The following GABRB2 variants were observed in gnomAD, a reference collection of about 807,000 sequenced individuals.
GABRB2 encodes the protein gamma-aminobutyric acid receptor subunit beta-2.
In GABRB2, 16 loss-of-function variants were observed where a neutral mutation model predicts 54.7. The observed-to-expected ratio is 0.29, with a 90% CI of 0.20 to 0.44. The LOEUF is 0.44. Ranked by LOEUF, GABRB2 falls within the 20% of genes least tolerant of loss-of-function variation. The pLI, the probability that GABRB2 is intolerant of heterozygous loss-of-function variation, is 1.00. For synonymous variants in GABRB2, 244 were observed against 233.8 expected (o/e 1.04, Z -0.40); for missense variants, 355 against 644.0 (o/e 0.55, Z 4.86).
intron 5 of GABRB2, among the ~76,000 whole-genome samples, chr5:161,372,208 T>C (rs971740070): frequency 6.6e-6 from 1 of 152,148 alleles, no homozygotes; most frequent in African/African-American, 2.4e-5. Context: ...AGGTCCTCAT[T>C]TTATATAATT....
Position 161,383,777 on chromosome 5 carries a change from T to C in GABRB2, c.541+27198A>G, listed in dbSNP as rs139922220. Among the ~76,000 whole-genome samples, 45 of 152,382 alleles carry C rather than the reference T, an allele frequency of 3.0e-4. No individual in the cohort carries two copies. In the East Asian group the frequency reaches 5.2e-3, roughly 18 times the overall value. On this transcript the variant is annotated intron_variant, in intron 5 of 9. Coordinates refer to ENST00000393959, the MANE Select transcript of GABRB2 (RefSeq NM_001371727.1). ...AAATCCCAGGCAATATCATGTCATC[T>C]AAACTTAACACTAAGAAATTAGCAA...
At chr5:161,546,770 C>T, upstream of GABRB2, 1 of 1,449,690 alleles carries the variant, frequency 6.9e-7, no homozygotes, top group Non-Finnish European at 9.1e-7. Context: ...GGGGAAGCGG[C>T]GGCTGCCGGG....
chr5:161,302,343 C>A (rs1757563999), intron 9 of GABRB2, among the ~76,000 whole-genome samples: 1 of 152,136 alleles, frequency 6.6e-6, no homozygotes, highest in Admixed American at 6.5e-5. Flanking sequence ...GAAGAGGGGA[C>A]CTTATTTTTA....
At position 161,544,025 on chromosome 5, in the gene GABRB2, C is replaced by G. The variant is rs191246778; in HGVS notation, c.237+1202G>C. On this transcript the variant is annotated intron_variant, in intron 3 of 9. Coordinates refer to ENST00000393959, the MANE Select transcript of GABRB2 (RefSeq NM_001371727.1). ...CATTTGCTTCAGAATCTTATGAAAT[C>G]TCGGGATTATCTCTTATCTTTAGAC... Among the ~76,000 whole-genome samples, 262 of 152,234 alleles carry G rather than the reference C, an allele frequency of 1.7e-3. 1 individual carries two copies. Among genetic ancestry groups the G allele is most frequent in the African/African-American group, 6.0e-3 (250 of 41,536 alleles).
At chr5:161,521,717 C>T (rs1417458224) in intron 3 of GABRB2, among the ~76,000 whole-genome samples, 2 of 151,820 alleles carry the variant, frequency 1.3e-5, no homozygotes, top group Non-Finnish European at 2.9e-5. Flanking sequence ...ACTGGTAAAA[C>T]AGAGTAAAGT....
intron 9 of GABRB2, among the ~76,000 whole-genome samples, chr5:161,302,023 G>A (rs1292107533): frequency 6.6e-6 from 1 of 152,216 alleles, no homozygotes; most frequent in African/African-American, 2.4e-5. Flanking sequence ...GAAATTTTAA[G>A]ATGGACTGAT....
At chr5:161,531,955 C>T (rs551273990) in intron 3 of GABRB2, among the ~76,000 whole-genome samples, 197 of 152,214 alleles carry the variant, frequency 1.3e-3, no homozygotes, top group African/African-American at 3.8e-3. Flanking sequence ...AAACTTTAGT[C>T]TGCTCATCTT....
At chr5:161,341,515 TCA>T (rs1424382906) in intron 5 of GABRB2, among the ~76,000 whole-genome samples, 2 of 151,700 alleles carry the variant, frequency 1.3e-5, no homozygotes, top group Non-Finnish European at 2.9e-5. Context: ...TCACTGGCAT[TCA>T]CCTGAAGAAA....
intron 5 of GABRB2, among the ~76,000 whole-genome samples, chr5:161,402,530 A>C (rs1756228772): frequency 6.6e-6 from 1 of 152,194 alleles, no homozygotes; most frequent in Non-Finnish European, 1.5e-5. Flanking sequence ...AAATGTTGAA[A>C]AATGTAGAAA....
intron 4 of GABRB2, among the ~76,000 whole-genome samples, chr5:161,423,715 C>T (rs112387477): frequency 1.3e-5 from 2 of 152,018 alleles, no homozygotes; most frequent in South Asian, 4.1e-4. Context: ...ACAATGGCCT[C>T]TAGGTGTTCT....
Position 161,336,621 on chromosome 5 carries a change from A to G in GABRB2, c.679+11T>C. ...GATTATTTTCCCTTAACACTTTTCC[A>G]TGATACAAACCTGTGGAAAAAACAA... On this transcript the variant is annotated intron_variant, in intron 6 of 9. Coordinates refer to ENST00000393959, the MANE Select transcript of GABRB2 (RefSeq NM_001371727.1). 1 of 1,611,162 alleles carries G rather than the reference A, an allele frequency of 6.2e-7. No homozygotes were observed. The highest frequency in any genetic ancestry group is 2.2e-5 in the East Asian group (1 of 44,816).
intron 5 of GABRB2, among the ~76,000 whole-genome samples, chr5:161,397,805 T>C (rs1418038955): frequency 2.0e-5 from 3 of 152,222 alleles, no homozygotes; most frequent in African/African-American, 7.2e-5. Context: ...TTGTAGCTTG[T>C]TGTTATGCTG....
At chr5:161,518,753 G>C (rs1455340735) in intron 3 of GABRB2, among the ~76,000 whole-genome samples, 1 of 151,922 alleles carries the variant, frequency 6.6e-6, no homozygotes, top group Non-Finnish European at 1.5e-5. Context: ...AAAGTCACTG[G>C]GTACATTGAG....
At chr5:161,384,923 A>G (rs1350235305) in intron 5 of GABRB2, among the ~76,000 whole-genome samples, 2 of 152,184 alleles carry the variant, frequency 1.3e-5, no homozygotes, top group Non-Finnish European at 2.9e-5. Flanking sequence ...GGGATTATAT[A>G]GTTACATACA....
chr5:161,335,402 T>A (rs756892247), intron 6 of GABRB2, among the ~76,000 whole-genome samples: 8 of 152,168 alleles, frequency 5.3e-5, no homozygotes, highest in Non-Finnish European at 1.0e-4. Context: ...TTCTTTTTTT[T>A]AATAGTTTCA....
intron 5 of GABRB2, among the ~76,000 whole-genome samples, chr5:161,349,354 A>T (rs1754405981): frequency 6.6e-6 from 1 of 152,116 alleles, no homozygotes; most frequent in Non-Finnish European, 1.5e-5. Flanking sequence ...AATCATCAAG[A>T]CCCAAATTCT....
At chr5:161,331,475 G>A (rs190193463) in intron 7 of GABRB2, among the ~76,000 whole-genome samples, 23 of 152,240 alleles carry the variant, frequency 1.5e-4, no homozygotes, top group African/African-American at 5.1e-4. Context: ...ATGTGCCAGG[G>A]ATGAGGTTAG....
chr5:161,512,337 A>C (rs1252879902), intron 3 of GABRB2, among the ~76,000 whole-genome samples: 1 of 151,964 alleles, frequency 6.6e-6, no homozygotes, highest in African/African-American at 2.4e-5. Flanking sequence ...AACTTCAAAC[A>C]ATACCATAAG....
intron 5 of GABRB2, among the ~76,000 whole-genome samples, chr5:161,340,988 C>T (rs1224706522): frequency 6.6e-6 from 1 of 151,922 alleles, no homozygotes; most frequent in African/African-American, 2.4e-5. Context: ...TTAGAAAATC[C>T]AATCCTCTTG....
Sources: gnomAD v4.1 joint callset for allele counts (sites outside exome capture counted in the v4.1 genomes callset) on GRCh38, gnomAD v4.1.1 for gene constraint, MANE v1.5 for transcripts, NCBI Gene and HGNC (gene_info 2026-07-23, HGNC 2026-07-21) for gene names.